MAST3: variants seen among roughly 807,000 people sequenced by gnomAD.
The protein encoded by MAST3 is microtubule-associated serine/threonine-protein kinase 3.
MAST3 carries 43 observed loss-of-function variants against 127.0 expected under a neutral mutation model. The ratio of observed to expected loss-of-function variants is 0.34; its 90% confidence interval spans 0.27 to 0.44. The LOEUF (loss-of-function observed/expected upper bound fraction) is 0.44, where lower values mean the gene tolerates loss of function less well. Among genes scored for constraint, MAST3 ranks in the 20% least tolerant of loss-of-function variants. The pLI is 1.00. For missense variants in MAST3, 1,390 were observed against 1,919.1 expected (o/e 0.72, Z 5.15); for synonymous variants, 785 against 809.2 (o/e 0.97, Z 0.51).
At chr19:18,100,126 C>CTTTTTTTTTTTTTTTTTT (rs201140700) in intron 1 of MAST3, among the ~76,000 whole-genome samples, 2 of 117,002 alleles carry the variant, frequency 1.7e-5, no homozygotes, top group Non-Finnish European at 3.7e-5. Flanking sequence ...CTCTCTCTCT[C>CTTTTTTTTTTTTTTTTTT]TCTTTTTTTT....
intron 3 of MAST3, among the ~76,000 whole-genome samples, chr19:18,118,958 G>A (rs2039627925): frequency 1.3e-5 from 2 of 152,110 alleles, no homozygotes; most frequent in Non-Finnish European, 1.5e-5. Context: ...CTCCAAGATC[G>A]TGGGGAGCAT....
At position 18,149,824 on chromosome 19, in the gene MAST3, C is replaced by G. The variant is rs2043403506; in HGVS notation, c.*98C>G. 1 of 1,530,514 alleles carries G rather than the reference C, an allele frequency of 6.5e-7. No individual in the cohort carries two copies. 94.8% of individuals were successfully genotyped at this position (1,530,514 alleles called of 1,614,324 possible). ...CCTGGATGGGGACTGAGCCACCAGC[C>G]TGACACCCAGAAGGCGAGAAGCCAT... On this transcript the variant is annotated 3_prime_UTR_variant, in exon 28 of 28. Coordinates refer to ENST00000687212, the MANE Select transcript of MAST3 (RefSeq NM_001393504.1). This position sits in a 1 kb window ranked among gnomAD's most constrained non-coding sequence, Gnocchi z 5.9.
At position 18,137,799 on chromosome 19, in the gene MAST3, G is replaced by A. The variant is rs117045740; in HGVS notation, c.2095+438G>A. ...ATGACTCTCTCTCTCCCCACTTGGG[G>A]TTCCTGCCCTTCAGTGTCCAGCACC... On this transcript the variant is annotated intron_variant, in intron 19 of 27. Coordinates refer to ENST00000687212, the MANE Select transcript of MAST3 (RefSeq NM_001393504.1). Among the ~76,000 whole-genome samples, 466 of 152,332 alleles carry A rather than the reference G, an allele frequency of 3.1e-3. 2 individuals are homozygous for A. The highest frequency in any genetic ancestry group is 6.8e-3 in the Middle Eastern group (2 of 294).
intron 27 of MAST3, among the ~76,000 whole-genome samples, chr19:18,148,243 G>A (rs962819425): frequency 1.3e-5 from 2 of 152,060 alleles, no homozygotes; most frequent in African/African-American, 2.4e-5. Flanking sequence ...GGAGGTTGCG[G>A]TGAGCCGAGA....
chr19:18,129,641 A>G (rs779225490), intron 13 of MAST3, among the ~76,000 whole-genome samples: 44 of 152,330 alleles, frequency 2.9e-4, no homozygotes, highest in Non-Finnish European at 5.9e-4. Flanking sequence ...GTTTGGTGCT[A>G]GCGGTCTTTT....
At chr19:18,113,312 T>C (rs1272272225) in intron 3 of MAST3, among the ~76,000 whole-genome samples, 3 of 151,810 alleles carry the variant, frequency 2.0e-5, no homozygotes, top group Non-Finnish European at 4.4e-5. Flanking sequence ...TTTGAGACAG[T>C]CTCGCTTTGT....
In MAST3 at chr19:18,149,511, C is replaced by T. The variant is rs571918908; in HGVS notation, c.3829C>T (p.Arg1277Trp). Residue 1277 changes from arginine (R) to tryptophan (W), a missense_variant, in exon 28 of 28, where the codon CGG (arginine) becomes TGG (tryptophan). Physicochemically the swap from Arg to Trp is moderately radical, Grantham distance 101. This residue lies in a region of MAST3 where 816 missense variants were observed against 934.1 expected (regional missense o/e 0.87). Coordinates refer to ENST00000687212, the MANE Select transcript of MAST3 (RefSeq NM_001393504.1). The surrounding 1 kb of genome is among the most constrained non-coding windows in gnomAD (Gnocchi z 5.9). ...GGAGCGGCTGGATGGGGAGGCGGGGCGGCGCACTCGTGGGCCAGAGGCCGA... is the reference window on the plus strand; with the variant it reads ...GGAGCGGCTGGATGGGGAGGCGGGGTGGCGCACTCGTGGGCCAGAGGCCGA... ...TGERLDGEAG[R>W]RTRGPEAELV... 82 of 1,548,464 alleles carry T rather than the reference C, an allele frequency of 5.3e-5. No homozygotes were observed. Among genetic ancestry groups the T allele is most frequent in the Non-Finnish European group, 6.5e-5 (75 of 1,146,674 alleles).
intron 20 of MAST3, among the ~76,000 whole-genome samples, chr19:18,141,377 C>CTTTTTTTTTTTTTTTTTTT (rs370099564): frequency 8.1e-6 from 1 of 122,772 alleles, no homozygotes. Flanking sequence ...AGCCAGCTTT[C>CTTTTTTTTTTTTTTTTTTT]TTTTTTTTTT....
At position 18,106,966 on chromosome 19, in the gene MAST3, A is replaced by ATTTTTT. The variant is rs60298417; in HGVS notation, c.40-596_40-591dup. On this transcript the variant is annotated intron_variant, in intron 1 of 27. Coordinates refer to ENST00000687212, the MANE Select transcript of MAST3 (RefSeq NM_001393504.1). ...CAGGCTTGAGCCACCATGCCCAGCA[A>ATTTTTT]TTTTTTTTTTTTTTTTTTTTTTTTT... 3.1e-3 allele frequency among the ~76,000 whole-genome samples: 229 copies of ATTTTTT among 73,942 alleles called. 6 individuals are homozygous for ATTTTTT. Among genetic ancestry groups the ATTTTTT allele is most frequent in the African/African-American group, 9.4e-3 (150 of 16,006 alleles). The allele number at this position is 73,942 out of a possible 152,430, so 48.5% of individuals were successfully genotyped here. A position where few individuals can be genotyped will look rare whatever the true frequency, so the allele number is the denominator to read the frequency against.
At chr19:18,129,085 C>G in intron 13 of MAST3, 134 bp downstream of exon 13, 1 of 751,670 alleles carries the variant, frequency 1.3e-6, no homozygotes, top group Non-Finnish European at 2.2e-6. Flanking sequence ...GAGAAGGCAC[C>G]TGAGGACTGG....
rs1265152738 is a variant in MAST3 at position 18,127,141 on chromosome 19, T to C, written c.1079-1259T>C. Among the ~76,000 whole-genome samples the C allele has an allele frequency of 2.0e-5, 3 of 152,002 alleles. No individual in the cohort carries two copies. In the East Asian group the frequency reaches 5.8e-4, roughly 30 times the overall value. On this transcript the variant is annotated intron_variant, in intron 11 of 27. Coordinates refer to ENST00000687212, the MANE Select transcript of MAST3 (RefSeq NM_001393504.1). The stretch of plus-strand genomic sequence containing the variant: ...GGTGAATGCCTGTAGTCCCACCTAC[T>C]TGAGAGGCTGAGGTGGGAGGATTGC...
intron 2 of MAST3, 40 bp downstream of exon 2, chr19:18,107,658 TG>T (rs749556149): frequency 6.3e-7 from 1 of 1,597,424 alleles, no homozygotes; most frequent in South Asian, 1.1e-5. Flanking sequence ...TGGGCCCCAG[TG>T]GTCTTGGAAG....
At chr19:18,143,655 A>G in intron 21 of MAST3, 108 bp from the exon 22 acceptor site, 1 of 1,426,268 alleles carries the variant, frequency 7.0e-7, no homozygotes, top group Non-Finnish European at 9.5e-7. Context: ...TGTCTATGCA[A>G]ATTACCCTTG....
intron 3 of MAST3, among the ~76,000 whole-genome samples, chr19:18,120,374 T>C (rs1243438581): frequency 6.6e-6 from 1 of 152,114 alleles, no homozygotes; most frequent in Non-Finnish European, 1.5e-5. Context: ...CTGGTGCTGC[T>C]GGCAGTAGCC....
chr19:18,128,842 C>T (rs763636276), intron 12 of MAST3, 24 bp from the exon 13 acceptor site: 3 of 1,598,096 alleles, frequency 1.9e-6, no homozygotes, highest in African/African-American at 1.3e-5. Flanking sequence ...CGGGGCAGGA[C>T]CCTAAGCCCT....
At chr19:18,120,956 G>A (rs556497418) in intron 3 of MAST3, among the ~76,000 whole-genome samples, 1 of 152,158 alleles carries the variant, frequency 6.6e-6, no homozygotes, top group East Asian at 1.9e-4. Flanking sequence ...CCTGATCTCA[G>A]GTGATCTACC....
chr19:18,106,777 G>T (rs1599662283), intron 1 of MAST3, among the ~76,000 whole-genome samples: 1 of 150,976 alleles, frequency 6.6e-6, no homozygotes, highest in South Asian at 2.1e-4. Context: ...CACCATGTTG[G>T]CCAGGCTGGT....
intron 20 of MAST3, among the ~76,000 whole-genome samples, chr19:18,140,799 T>A (rs1375670952): frequency 6.6e-6 from 1 of 152,108 alleles, no homozygotes; most frequent in Non-Finnish European, 1.5e-5. Flanking sequence ...ATTTACTTAT[T>A]TATTTATTTA....
At chr19:18,109,964 CGCG>C (rs2038394786) in intron 2 of MAST3, 1 of 985,226 alleles carries the variant, frequency 1.0e-6, no homozygotes. Flanking sequence ...TCGCGCGGAC[CGCG>C]GAGCCAGTGA....
Sources: allele counts gnomAD v4.1 joint callset (sites outside exome capture counted in the v4.1 genomes callset), GRCh38; gene constraint gnomAD v4.1.1; regional missense constraint gnomAD v4.1.1; non-coding constraint Gnocchi (gnomAD v3.1); transcripts MANE v1.5; gene names NCBI Gene and HGNC (gene_info 2026-07-23, HGNC 2026-07-21).